Variants in SLC22A5 observed in about 807,000 individuals in gnomAD.
SLC22A5 encodes solute carrier family 22 member 5.
A neutral mutation model predicts 56.7 loss-of-function variants in SLC22A5; 44 were observed. The ratio of observed to expected loss-of-function variants is 0.78; its 90% confidence interval spans 0.61 to 1.00. SLC22A5 has a LOEUF of 1.00. SLC22A5 is among the 50% of genes least tolerant of loss of function. SLC22A5 has a pLI of 0.00. For synonymous variants in SLC22A5, 278 were observed against 292.1 expected (o/e 0.95, Z 0.49); for missense variants, 675 against 723.0 (o/e 0.93, Z 0.76).
intron 1 of SLC22A5, 138 bp downstream of exon 1, chr5:132,370,503 G>T: frequency 9.7e-7 from 1 of 1,027,892 alleles, no homozygotes; most frequent in South Asian, 1.5e-5. Flanking sequence ...CCTAGCGATG[G>T]AGACCCTCCA....
Position 132,391,015 on chromosome 5 carries a change from C to T in SLC22A5, c.1267+111C>T, listed in dbSNP as rs1752681439. 8.2e-6 allele frequency: 7 copies of T among 854,584 alleles called. No homozygotes were observed. The Admixed American group carries it at 1.2e-4, about 15-fold the overall frequency. The allele number at this position is 854,584 out of a possible 1,614,324, so 52.9% of individuals were successfully genotyped here. A position where few individuals can be genotyped will look rare whatever the true frequency, so the allele number is the denominator to read the frequency against. On this transcript the variant is annotated intron_variant, in intron 7 of 9. Transcript: ENST00000245407. ...AATCAAGCCCATCACAGCTCCCTTG[C>T]TTATATACATTCTTGGCCTAAAAAT...
chr5:132,371,043 G>T (rs1209122238), intron 1 of SLC22A5, among the ~76,000 whole-genome samples: 1 of 149,772 alleles, frequency 6.7e-6, no homozygotes, highest in Non-Finnish European at 1.5e-5. Flanking sequence ...GCAGTCGTGC[G>T]TTCTTGGCTC....
intron 6 of SLC22A5, chr5:132,389,258 T>G (rs274554): frequency 2.0e-6 from 1 of 494,238 alleles, no homozygotes; most frequent in South Asian, 2.0e-5. Context: ...TATGGACTCT[T>G]GTGGGGAATC....
At position 132,394,965 on chromosome 5, in the gene SLC22A5, T is replaced by C. The variant is rs867620308; in HGVS notation, c.*693T>C. 1 of 152,486 alleles carries C rather than the reference T, an allele frequency of 6.6e-6. No individual in the cohort carries two copies. Among genetic ancestry groups the C allele is most frequent in the Non-Finnish European group, 1.5e-5 (1 of 68,178 alleles). 9.4% of individuals were successfully genotyped at this position (152,486 alleles called of 1,614,324 possible). On this transcript the variant is annotated 3_prime_UTR_variant, in exon 10 of 10. Transcript: ENST00000245407. Reference sequence around the variant, plus strand: ...GCTTGTCCAGGCTCATAATAAATGCTCCATTGAATCTACTATTCTTGTTTT... The same window carrying C: ...GCTTGTCCAGGCTCATAATAAATGCCCCATTGAATCTACTATTCTTGTTTT...
chr5:132,374,510 G>A (rs581968), intron 1 of SLC22A5, among the ~76,000 whole-genome samples: 43,516 of 152,088 alleles, frequency 0.29, 6,941 homozygotes, highest in South Asian at 0.56. Context: ...GAGACCTGGA[G>A]CTTGAACCTC....
chr5:132,374,529 G>A (rs906693270), intron 1 of SLC22A5, among the ~76,000 whole-genome samples: 1 of 152,132 alleles, frequency 6.6e-6, no homozygotes, highest in Admixed American at 6.5e-5. Context: ...TCACTGTTAC[G>A]CCTTTGTTGA....
Position 132,392,524 on chromosome 5 carries a change from G to A in SLC22A5, c.1359G>A (p.Leu453=), listed in dbSNP as rs1168638815. The change falls in exon 8 of 10, where the codon CTG becomes CTA. Residue 453 remains leucine (L), a synonymous_variant. Coordinates refer to ENST00000245407, the MANE Select transcript of SLC22A5 (RefSeq NM_003060.4). ...FSMVYVYTAE[L]YPTVVRNMGV... ...TGGTCTACGTGTACACAGCCGAGCT[G>A]TATCCCACAGTGGTGAGAAACATGG... 3 of 1,614,046 alleles carry A rather than the reference G, an allele frequency of 1.9e-6. No individual in the cohort carries two copies. The highest frequency in any genetic ancestry group is 2.7e-5 in the African/African-American group (2 of 74,916).
rs1752805028 is a variant in SLC22A5 at position 132,394,247 on chromosome 5, C to T, written c.1649C>T (p.Thr550Ile). The T allele has an allele frequency of 6.2e-7, 1 of 1,612,834 alleles. No individual in the cohort carries two copies. The highest frequency in any genetic ancestry group is 8.5e-7 in the Non-Finnish European group (1 of 1,178,734). The change falls in exon 10 of 10, where the codon ACA (threonine) becomes ATA (isoleucine). Residue 550 changes from threonine to isoleucine, a missense_variant. Physicochemically the swap from Thr to Ile is moderately conservative, Grantham distance 89 (BLOSUM62 -1). Coordinates refer to ENST00000245407, the MANE Select transcript of SLC22A5 (RefSeq NM_003060.4). Reference sequence around the variant, plus strand: ...TTAAAAGATGGTCAAGAAAGGCCCACAATCCTTAAAAGCACAGCCTTCTAA... The same window carrying T: ...TTAAAAGATGGTCAAGAAAGGCCCATAATCCTTAAAAGCACAGCCTTCTAA... Reference protein sequence around the residue: ...RMLKDGQERPTILKSTAF With the variant: ...RMLKDGQERPIILKSTAF
intron 4 of SLC22A5, among the ~76,000 whole-genome samples, chr5:132,386,517 C>A (rs1422270957): frequency 2.0e-5 from 3 of 152,194 alleles, no homozygotes; most frequent in Non-Finnish European, 1.5e-5. Flanking sequence ...AGGAGTGAAC[C>A]ACTGCACCTG....
Position 132,369,865 on chromosome 5 carries a change from C to T in SLC22A5, c.-108C>T. 2.1e-6 allele frequency: 3 copies of T among 1,448,426 alleles called. No homozygotes were observed. The highest frequency in any genetic ancestry group is 2.2e-5 in the Admixed American group (1 of 44,698). The allele number at this position is 1,448,426 out of a possible 1,614,324, so 89.7% of individuals were successfully genotyped here. ...CTACCCTCCGCGGACGGTCTTGGGTCGCCTGCTGCCTGGCTTGCCTGGTCG... is the reference window on the plus strand; with the variant it reads ...CTACCCTCCGCGGACGGTCTTGGGTTGCCTGCTGCCTGGCTTGCCTGGTCG... On this transcript the variant is annotated 5_prime_UTR_variant, in exon 1 of 10. Coordinates refer to ENST00000245407, the MANE Select transcript of SLC22A5 (RefSeq NM_003060.4).
Position 132,369,892 on chromosome 5 carries a change from C to A in SLC22A5, c.-81C>A. On this transcript the variant is annotated 5_prime_UTR_variant, in exon 1 of 10. Coordinates refer to ENST00000245407, the MANE Select transcript of SLC22A5 (RefSeq NM_003060.4). ...CCTGCTGCCTGGCTTGCCTGGTCGG[C>A]GGCGGGTGCCCCGCGCGCACGCGCA... is the stretch of plus-strand genomic sequence containing the variant. 6.4e-7 allele frequency: 1 copy of A among 1,551,308 alleles called. No individual in the cohort carries two copies. Among genetic ancestry groups the A allele is most frequent in the Non-Finnish European group, 8.7e-7 (1 of 1,152,168 alleles).
chr5:132,393,874 C>T, intron 9 of SLC22A5, 63 bp downstream of exon 9: 1 of 1,586,018 alleles, frequency 6.3e-7, no homozygotes, highest in South Asian at 1.1e-5. Flanking sequence ...GTCTCAGGAG[C>T]CCCTCACAAT....
At position 132,394,277 on chromosome 5, in the gene SLC22A5, G is replaced by T; in HGVS notation, c.*5G>T. 1 of 1,594,652 alleles carries T rather than the reference G, an allele frequency of 6.3e-7. No individual in the cohort carries two copies. Among genetic ancestry groups the T allele is most frequent in the Non-Finnish European group, 8.6e-7 (1 of 1,162,238 alleles). On this transcript the variant is annotated 3_prime_UTR_variant, in exon 10 of 10. Coordinates refer to ENST00000245407, the MANE Select transcript of SLC22A5 (RefSeq NM_003060.4). The stretch of plus-strand genomic sequence containing the variant: ...CTTAAAAGCACAGCCTTCTAACATC[G>T]CTTCCAGTAAGGGAGAAACTGAAGA...
chr5:132,380,907 G>C (rs1343548629), intron 2 of SLC22A5: 2 of 151,696 alleles, frequency 1.3e-5, no homozygotes, highest in Admixed American at 1.3e-4. Flanking sequence ...GCCCCAGATA[G>C]GGATGAGGTT....
rs1028012225 is a variant in SLC22A5, at chr5:132,385,483, T to C, written c.808T>C (p.Cys270Arg). The C allele has an allele frequency of 6.2e-7, 1 of 1,614,166 alleles. No homozygotes were observed. Among genetic ancestry groups the C allele is most frequent in the Non-Finnish European group, 8.5e-7 (1 of 1,180,002 alleles). The change falls in exon 4 of 10, where the codon TGC becomes CGC. Residue 270 changes from cysteine to arginine, a missense_variant. Cys to Arg is a radical substitution (Grantham distance 180). Coordinates refer to ENST00000245407, the MANE Select transcript of SLC22A5 (RefSeq NM_003060.4). ...LVALTMPGVL[C>R]VALWWFIPES... ...GGCGCTGACGATGCCGGGGGTGCTA[T>C]GCGTGGCACTCTGGTGGTGAGTGTG...
chr5:132,377,346 G>T (rs1280804334), intron 1 of SLC22A5: 1 of 152,268 alleles, frequency 6.6e-6, no homozygotes, highest in Non-Finnish European at 1.5e-5. Context: ...TGGAGGGCAG[G>T]CTAGCAGCCT....
At position 132,370,335 on chromosome 5, in the gene SLC22A5, G is replaced by C. The variant is rs758991830; in HGVS notation, c.363G>C (p.Gln121His). The C allele has an allele frequency of 6.2e-7, 1 of 1,612,254 alleles. No individual in the cohort carries two copies. The highest frequency in any genetic ancestry group is 1.3e-5 in the African/African-American group (1 of 75,072). The change falls in exon 1 of 10, where the codon CAG (glutamine) becomes CAC (histidine). Residue 121 changes from glutamine to histidine, a missense_variant. Physicochemically the swap from Gln to His is conservative, Grantham distance 24. Transcript: ENST00000245407. The stretch of plus-strand genomic sequence containing the variant: ...GTCTGGATGGCTGGGAGTTCAGTCA[G>C]GACGTCTACCTGTCCACCATTGTGA... ...ESCLDGWEFSQDVYLSTIVTE... is the reference protein window; with the variant it reads ...ESCLDGWEFSHDVYLSTIVTE...
rs1321705165 is a variant in SLC22A5 at position 132,370,363 on chromosome 5, G to A, written c.391G>A (p.Glu131Lys). 15 of 1,611,868 alleles carry A rather than the reference G, an allele frequency of 9.3e-6. No homozygotes were observed. In the Middle Eastern group the frequency reaches 4.9e-4, roughly 53 times the overall value. ...CGTCTACCTGTCCACCATTGTGACCGAGGTGGGTGCCGGCCCCTGCTGGGG... is the reference window on the plus strand; with the variant it reads ...CGTCTACCTGTCCACCATTGTGACCAAGGTGGGTGCCGGCCCCTGCTGGGG... ...QDVYLSTIVT[E>K]WNLVCEDDWK... Residue 131 changes from glutamate (E) to lysine (K), a missense_variant and splice_region_variant, in exon 1 of 10, where the codon GAG (glutamate) becomes AAG (lysine). Physicochemically the swap from Glu to Lys is moderately conservative, Grantham distance 56 (BLOSUM62 1). Transcript: ENST00000245407.
intron 1 of SLC22A5, among the ~76,000 whole-genome samples, chr5:132,374,080 G>A (rs1041580353): frequency 6.6e-6 from 1 of 152,060 alleles, no homozygotes; most frequent in Non-Finnish European, 1.5e-5. Context: ...GCCCTGCGTG[G>A]TGGTGGGTGC....
Sources: gnomAD v4.1 joint callset for allele counts (sites outside exome capture counted in the v4.1 genomes callset) on GRCh38, gnomAD v4.1.1 for gene constraint, MANE v1.5 for transcripts, NCBI Gene and HGNC (gene_info 2026-07-23, HGNC 2026-07-21) for gene names.